MICAL2: variants seen among roughly 807,000 people sequenced by gnomAD.
The protein encoded by MICAL2 is microtubule associated monooxygenase, calponin and LIM domain containing 2, also known as [F-actin]-monooxygenase MICAL2.
A neutral mutation model predicts 127.3 loss-of-function variants in MICAL2; 77 were observed. The observed-to-expected ratio is 0.60, with a 90% CI of 0.50 to 0.73. MICAL2 has a LOEUF of 0.73. Ranked by LOEUF, MICAL2 falls within the 30% of genes least tolerant of loss-of-function variation. MICAL2 has a pLI of 0.00. For missense variants in MICAL2, 1,351 were observed against 1,434.4 expected, an observed-to-expected ratio of 0.94 and a Z score of 0.94; for synonymous variants, 570 against 551.1, an observed-to-expected ratio of 1.03 and a Z score of -0.48.
chr11:12,161,772 T>C (rs946057440), intron 2 of MICAL2: 2 of 226,774 alleles, frequency 8.8e-6, no homozygotes, highest in Admixed American at 1.0e-4. Flanking sequence ...CAGAACCACT[T>C]GGCTTAGAGC....
At chr11:12,316,494 T>G (rs982750222) in intron 29 of MICAL2, among the ~76,000 whole-genome samples, 8 of 152,044 alleles carry the variant, frequency 5.3e-5, no homozygotes, top group African/African-American at 1.9e-4. Flanking sequence ...ATGCTCCTAA[T>G]TTTCCTATGT....
chr11:12,143,916 GA>G (rs1852606856), intron 2 of MICAL2, among the ~76,000 whole-genome samples: 1 of 152,162 alleles, frequency 6.6e-6, no homozygotes, highest in Non-Finnish European at 1.5e-5. Flanking sequence ...CATTAGAGTG[GA>G]AAGAATAATG....
chr11:12,180,738 G>A (rs1292835252), intron 3 of MICAL2, among the ~76,000 whole-genome samples: 1 of 145,884 alleles, frequency 6.9e-6, no homozygotes, highest in African/African-American at 2.6e-5. Flanking sequence ...ACGGAAGAAT[G>A]TGACAGTGTT....
chr11:12,243,615 C>T (rs1860278513), intron 20 of MICAL2, among the ~76,000 whole-genome samples: 1 of 152,216 alleles, frequency 6.6e-6, no homozygotes, highest in African/African-American at 2.4e-5. Flanking sequence ...CTGCTGTGGC[C>T]ACCTGCCCTA....
At chr11:12,306,738 T>C (rs1864114845) in intron 29 of MICAL2, among the ~76,000 whole-genome samples, 1 of 152,210 alleles carries the variant, frequency 6.6e-6, no homozygotes, top group Non-Finnish European at 1.5e-5. Context: ...GTCTGGCTTC[T>C]TTCACTTAGC....
chr11:12,187,058 G>T (rs771177986), intron 3 of MICAL2, among the ~76,000 whole-genome samples: 3 of 152,176 alleles, frequency 2.0e-5, no homozygotes, highest in Non-Finnish European at 4.4e-5. Context: ...CTTTCTGCCT[G>T]AGGCTCCAGC....
At chr11:12,308,362 T>A (rs896874771) in intron 29 of MICAL2, 2 of 152,230 alleles carry the variant, frequency 1.3e-5, no homozygotes, top group African/African-American at 2.4e-5. Flanking sequence ...CAGTTTGGGA[T>A]AAACTGACAC....
chr11:12,359,896 G>A (rs1015128869), downstream of MICAL2, among the ~76,000 whole-genome samples: 5 of 152,104 alleles, frequency 3.3e-5, no homozygotes, highest in Non-Finnish European at 7.3e-5. Context: ...TCTGACTGGA[G>A]ACCAAATTTC....
upstream of MICAL2, among the ~76,000 whole-genome samples, chr11:12,274,983 A>G (rs1486350326): frequency 6.6e-6 from 1 of 151,934 alleles, no homozygotes; most frequent in Non-Finnish European, 1.5e-5. Flanking sequence ...GCAAAAGACA[A>G]TGGTGGCTGG....
downstream of MICAL2, chr11:12,294,012 G>T: frequency 2.5e-6 from 4 of 1,614,168 alleles, no homozygotes; most frequent in Non-Finnish European, 2.5e-6. Context: ...TTGTTGGATT[G>T]GAATGACTCC....
At chr11:12,330,861 TAGAGAGAG>T (rs1158050371) in intron 32 of MICAL2, among the ~76,000 whole-genome samples, 35 of 67,144 alleles carry the variant, frequency 5.2e-4, no homozygotes, top group Admixed American at 2.5e-3. Context: ...GAGAGAGGGG[TAGAGAGAG>T]AGAGAGAGAG....
intron 10 of MICAL2, 113 bp from the exon 11 acceptor site, chr11:12,222,504 C>G: frequency 7.1e-7 from 1 of 1,401,274 alleles, no homozygotes; most frequent in South Asian, 1.3e-5. Flanking sequence ...AAGGGTTAGA[C>G]AAACATGTCC....
At chr11:12,162,027 CA>C (rs1214245062) in intron 2 of MICAL2, 51 bp from the exon 3 acceptor site, 1 of 1,279,652 alleles carries the variant, frequency 7.8e-7, no homozygotes, top group Non-Finnish European at 1.1e-6. Context: ...ACCCATCCCC[CA>C]CCCTAACCTC....
At chr11:12,305,658 C>T (rs1398916747) in intron 29 of MICAL2, among the ~76,000 whole-genome samples, 1 of 152,174 alleles carries the variant, frequency 6.6e-6, no homozygotes, top group Non-Finnish European at 1.5e-5. Context: ...CTGTAGTGTA[C>T]TCACCTATTT....
At chr11:12,120,137 T>C (rs564234804) in intron 1 of MICAL2, among the ~76,000 whole-genome samples, 2 of 152,324 alleles carry the variant, frequency 1.3e-5, no homozygotes, top group Admixed American at 1.3e-4. Flanking sequence ...TTTCTTATCA[T>C]GAACACCTCC....
chr11:12,273,127 A>C (rs1261671485), upstream of MICAL2, among the ~76,000 whole-genome samples: 1 of 152,244 alleles, frequency 6.6e-6, no homozygotes, highest in Non-Finnish European at 1.5e-5. Flanking sequence ...TTGTGCTCAC[A>C]GACACGCAGA....
At position 12,343,355 on chromosome 11, in the gene MICAL2, C is replaced by A. The variant is rs181631836; in HGVS notation, c.5516-6483C>A. Reference sequence around the variant, plus strand: ...CCCAGGAGGCAGAGGTTGCAGTAAGCTGAGATCATGCCATTGCACTCCAGC... The same window carrying A: ...CCCAGGAGGCAGAGGTTGCAGTAAGATGAGATCATGCCATTGCACTCCAGC... On this transcript the variant is annotated intron_variant, in intron 32 of 34. Coordinates refer to the MICAL2 transcript ENST00000646065. Among the ~76,000 whole-genome samples, 522 of 146,078 alleles carry A rather than the reference C, an allele frequency of 3.6e-3. 1 individual carries two copies. The highest frequency in any genetic ancestry group is 0.013 in the African/African-American group (497 of 39,582).
downstream of MICAL2, chr11:12,294,138 C>T: frequency 6.2e-7 from 1 of 1,613,914 alleles, no homozygotes; most frequent in Non-Finnish European, 8.5e-7. Context: ...CCTAGGGCAG[C>T]AGGAGAGCCC....
intron 2 of MICAL2, among the ~76,000 whole-genome samples, chr11:12,147,215 T>TA (rs58538643): frequency 0.47 from 71,715 of 151,466 alleles, 17,573 homozygotes; most frequent in South Asian, 0.67. Context: ...ATAATAATAA[T>TA]AAAAAAAAGA....
Sources: allele counts gnomAD v4.1 joint callset (sites outside exome capture counted in the v4.1 genomes callset), GRCh38; gene constraint gnomAD v4.1.1; transcripts MANE v1.5; gene names NCBI Gene and HGNC (gene_info 2026-07-23, HGNC 2026-07-21).